The following NALCN variants were observed in gnomAD, a reference collection of about 807,000 sequenced individuals.
The protein encoded by NALCN is sodium leak channel, non-selective.
Under a neutral mutation model 225.3 loss-of-function variants are expected in NALCN, and 111 were observed. The ratio of observed to expected loss-of-function variants is 0.49; its 90% CI spans 0.42 to 0.58. The LOEUF is 0.58. Among genes scored for constraint, NALCN ranks in the 20% least tolerant of loss-of-function variants. The pLI is 0.00. For synonymous variants in NALCN, 764 were observed against 769.0 expected (o/e 0.99, Z 0.11); for missense variants, 1,378 against 2,202.4 (o/e 0.63, Z 7.49).
intron 14 of NALCN, among the ~76,000 whole-genome samples, chr13:101,185,718 T>C (rs1449579884): frequency 6.6e-6 from 1 of 152,196 alleles, no homozygotes; most frequent in Non-Finnish European, 1.5e-5. Flanking sequence ...CCAGGGGTGA[T>C]GAAATAGCCT....
At chr13:101,055,532 C>T in intron 43 of NALCN, 44 bp from the exon 44 acceptor site, 18 of 1,559,672 alleles carry the variant, frequency 1.2e-5, no homozygotes, top group Non-Finnish European at 1.5e-5. Flanking sequence ...TATTGCTTCA[C>T]CCTATTGTAA....
At position 101,055,188 on chromosome 13, in the gene NALCN, A is replaced by G. The variant is rs776569337; in HGVS notation, c.*107T>C. 1.4e-4 allele frequency: 118 copies of G among 862,766 alleles called. No individual in the cohort carries two copies. The highest frequency in any genetic ancestry group is 2.1e-4 in the Non-Finnish European group (117 of 560,734). 53.4% of individuals were successfully genotyped at this position (862,766 alleles called of 1,614,324 possible). A position where few individuals can be genotyped will look rare whatever the true frequency, so the allele number is the denominator to read the frequency against. ...AATCAATTTATAAACATCTTGTGAC[A>G]AGCTGGAATTCAGTTATAGATCAAT... On this transcript the variant is annotated 3_prime_UTR_variant, in exon 44 of 44. Transcript: ENST00000251127.
At chr13:101,347,066 C>G (rs1175399761) in intron 6 of NALCN, among the ~76,000 whole-genome samples, 3 of 151,922 alleles carry the variant, frequency 2.0e-5, no homozygotes, top group Non-Finnish European at 4.4e-5. Context: ...TATGCTTTCT[C>G]TAAAGTCTGA....
chr13:101,331,774 C>A (rs1413068606), intron 7 of NALCN, among the ~76,000 whole-genome samples: 1 of 152,088 alleles, frequency 6.6e-6, no homozygotes, highest in Non-Finnish European at 1.5e-5. Flanking sequence ...ATGCCCTGCC[C>A]AGGGAAGAGC....
chr13:101,129,207 G>A (rs1405650799), intron 17 of NALCN, among the ~76,000 whole-genome samples: 1 of 152,142 alleles, frequency 6.6e-6, no homozygotes, highest in Non-Finnish European at 1.5e-5. Context: ...TAGCAAAACT[G>A]GTATGGAAAA....
At chr13:101,402,793 G>C (rs549760035) in intron 1 of NALCN, among the ~76,000 whole-genome samples, 8 of 152,312 alleles carry the variant, frequency 5.3e-5, no homozygotes, top group African/African-American at 1.9e-4. Flanking sequence ...CAGCCTGAGA[G>C]AGCGACATGA....
Position 101,104,442 on chromosome 13 carries a change from G to C in NALCN, c.2758-16C>G, listed in dbSNP as rs191717008. 1.4e-4 allele frequency: 218 copies of C among 1,612,614 alleles called. No homozygotes were observed. In the African/African-American group the frequency reaches 2.5e-3, roughly 19 times the overall value. On this transcript the variant is annotated splice_polypyrimidine_tract_variant and intron_variant, in intron 24 of 43. Coordinates refer to ENST00000251127, the MANE Select transcript of NALCN (RefSeq NM_052867.4). The surrounding 1 kb of genome is among the most constrained non-coding windows in gnomAD (Gnocchi z 4.2). Reference sequence around the variant, plus strand: ...ACTCAGCAATCTGAAACGGGCAAAAGGCAGTTTGGTTACAATGAACGGAAA... The same window carrying C: ...ACTCAGCAATCTGAAACGGGCAAAACGCAGTTTGGTTACAATGAACGGAAA...
intron 1 of NALCN, among the ~76,000 whole-genome samples, chr13:101,415,494 C>T (rs2047917262): frequency 6.6e-6 from 1 of 152,052 alleles, no homozygotes; most frequent in African/African-American, 2.4e-5. Flanking sequence ...GTATTTCAAG[C>T]ACTAAGGGTC....
chr13:101,085,684 G>A (rs12867417), intron 30 of NALCN, among the ~76,000 whole-genome samples: 24,953 of 151,988 alleles, frequency 0.16, 2,514 homozygotes, highest in Non-Finnish European at 0.23. Context: ...ACAATTATGC[G>A]CTGATTAAAA....
intron 6 of NALCN, among the ~76,000 whole-genome samples, chr13:101,358,292 AC>A (rs2046122386): frequency 1.3e-5 from 2 of 152,308 alleles, no homozygotes; most frequent in African/African-American, 4.8e-5. Context: ...TTTGCAATCT[AC>A]CCATCTGACA....
chr13:101,261,699 T>C (rs968683095), intron 10 of NALCN, among the ~76,000 whole-genome samples: 2 of 152,262 alleles, frequency 1.3e-5, no homozygotes, highest in Non-Finnish European at 2.9e-5. Context: ...TGATTTTGTA[T>C]CCTGCAACAT....
At chr13:101,182,955 G>T (rs567010834) in intron 14 of NALCN, among the ~76,000 whole-genome samples, 187 of 152,310 alleles carry the variant, frequency 1.2e-3, no homozygotes, top group African/African-American at 4.3e-3. Context: ...CAATGATACA[G>T]TATTTTCCTA....
At chr13:101,195,086 A>T (rs2039834878) in intron 13 of NALCN, among the ~76,000 whole-genome samples, 1 of 152,202 alleles carries the variant, frequency 6.6e-6, no homozygotes. Flanking sequence ...CTGAGGGGCA[A>T]CAGAGAAGAG....
intron 12 of NALCN, 35 bp from the exon 13 acceptor site, chr13:101,229,619 A>G (rs1165337958): frequency 2.7e-6 from 4 of 1,460,724 alleles, no homozygotes; most frequent in African/African-American, 2.9e-5. Flanking sequence ...ATTTACACAT[A>G]TGATCATTTA....
chr13:101,138,251 C>T (rs541535612), intron 17 of NALCN, among the ~76,000 whole-genome samples: 97 of 152,156 alleles, frequency 6.4e-4, no homozygotes, highest in Non-Finnish European at 1.0e-3. Flanking sequence ...AGATGAATAA[C>T]GGGTGCTCTA....
intron 9 of NALCN, among the ~76,000 whole-genome samples, chr13:101,286,693 C>T (rs2043349381): frequency 6.6e-6 from 1 of 151,944 alleles, no homozygotes; most frequent in African/African-American, 2.4e-5. Context: ...GTTAGAATGT[C>T]CATTAATTTT....
chr13:101,075,917 C>G lies in NALCN; in HGVS notation c.3910G>C (p.Ala1304Pro), dbSNP rs1400057858. The change falls in exon 35 of 44, where the codon GCT becomes CCT. Residue 1304 changes from alanine (A) to proline (P), a missense_variant. Physicochemically the swap from Ala to Pro is conservative, Grantham distance 27 (BLOSUM62 -1). Transcript: ENST00000251127. ...AAAAACCTAAATACAATCACACAAGCGCCCATCATGTAAGTATATGCATTC... is the reference window on the plus strand; with the variant it reads ...AAAAACCTAAATACAATCACACAAGGGCCCATCATGTAAGTATATGCATTC... ...LLNAYTYMMGACVIVFRFFSI... is the reference protein window; with the variant it reads ...LLNAYTYMMGPCVIVFRFFSI... 1 of 1,610,076 alleles carries G rather than the reference C, an allele frequency of 6.2e-7. No individual in the cohort carries two copies. Among genetic ancestry groups the G allele is most frequent in the African/African-American group, 1.3e-5 (1 of 74,714 alleles).
At chr13:101,203,993 T>C (rs145534508) in intron 13 of NALCN, among the ~76,000 whole-genome samples, 6 of 152,372 alleles carry the variant, frequency 3.9e-5, no homozygotes, top group African/African-American at 1.4e-4. Flanking sequence ...TGCTTTGCTC[T>C]ATGTCGTAAG....
In NALCN at chr13:101,102,620, G is replaced by A. The variant is rs116351625; in HGVS notation, c.3057+552C>T. On this transcript the variant is annotated intron_variant, in intron 26 of 43. Transcript: ENST00000251127. The stretch of plus-strand genomic sequence containing the variant: ...CAATGTTTGCCCAGCTAGAAAGTAC[G>A]TTTTGCCCCCTCAATCATCTTTGTA... Among the ~76,000 whole-genome samples the A allele has an allele frequency of 3.0e-3, 454 of 152,272 alleles. 1 individual carries two copies. Among genetic ancestry groups the A allele is most frequent in the African/African-American group, 0.01 (427 of 41,546 alleles).
Sources: gnomAD v4.1 joint callset for allele counts (sites outside exome capture counted in the v4.1 genomes callset) on GRCh38, gnomAD v4.1.1 for gene constraint, Gnocchi (gnomAD v3.1) non-coding constraint, MANE v1.5 for transcripts, NCBI Gene and HGNC (gene_info 2026-07-23, HGNC 2026-07-21) for gene names.